The following ATRN variants were observed in gnomAD, a reference collection of about 807,000 sequenced individuals.
ATRN encodes the protein attractin, also known as attractin-2.
A neutral mutation model predicts 178.7 loss-of-function variants in ATRN; 54 were observed. The observed-to-expected ratio is 0.30, with a 90% CI of 0.24 to 0.38. ATRN has a LOEUF of 0.38. ATRN is among the 10% of genes least tolerant of loss of function. The pLI is 1.00. For missense variants in ATRN, 1,443 were observed against 1,815.1 expected (o/e 0.79, Z 3.73); for synonymous variants, 636 against 663.0 (o/e 0.96, Z 0.63).
At chr20:3,513,028 G>A (rs1348152326) in intron 1 of ATRN, among the ~76,000 whole-genome samples, 1 of 152,088 alleles carries the variant, frequency 6.6e-6, no homozygotes, top group Non-Finnish European at 1.5e-5. Flanking sequence ...AGATGAGTAG[G>A]TTGCAAAAAT....
chr20:3,587,509 T>G (rs1469644095), intron 18 of ATRN, among the ~76,000 whole-genome samples: 2 of 151,942 alleles, frequency 1.3e-5, no homozygotes, highest in African/African-American at 4.8e-5. Flanking sequence ...TGAATTTTCA[T>G]GGCACATTTG....
chr20:3,502,158 T>G (rs989498057), intron 1 of ATRN, among the ~76,000 whole-genome samples: 2 of 152,190 alleles, frequency 1.3e-5, no homozygotes, highest in African/African-American at 4.8e-5. Flanking sequence ...ATTTACATAG[T>G]TATACAACTT....
rs1451695118 is a variant in ATRN, at chr20:3,485,695, C to T, written c.410+14178C>T. 3.0e-5 allele frequency among the ~76,000 whole-genome samples: 4 copies of T among 132,264 alleles called. No individual in the cohort carries two copies. In the South Asian group the frequency reaches 1.1e-3, roughly 35 times the overall value. The allele number at this position is 132,264 out of a possible 152,430, so 86.8% of individuals were successfully genotyped here. On this transcript the variant is annotated intron_variant, in intron 1 of 28. Transcript: ENST00000262919. Reference sequence around the variant, plus strand: ...GGAGTGCAATGGTGCGATCTTGGCTCACTGCAACCTCTGCCTCCTGGGTTC... The same window carrying T: ...GGAGTGCAATGGTGCGATCTTGGCTTACTGCAACCTCTGCCTCCTGGGTTC...
At chr20:3,596,582 A>G (rs1317006900) in intron 21 of ATRN, among the ~76,000 whole-genome samples, 153 bp downstream of exon 21, 2 of 152,224 alleles carry the variant, frequency 1.3e-5, no homozygotes, top group African/African-American at 4.8e-5. Flanking sequence ...TGTTAAGTTT[A>G]CTACATATAG....
intron 25 of ATRN, among the ~76,000 whole-genome samples, chr20:3,627,004 C>G (rs182925041): frequency 4.9e-4 from 75 of 152,188 alleles, no homozygotes; most frequent in African/African-American, 1.7e-3. Flanking sequence ...CCAGGCTGGT[C>G]TCGAACTCCT....
At chr20:3,503,658 A>G (rs2084994426) in intron 1 of ATRN, among the ~76,000 whole-genome samples, 1 of 152,210 alleles carries the variant, frequency 6.6e-6, no homozygotes, top group African/African-American at 2.4e-5. Context: ...TGAGGAAGGA[A>G]CTATAGAATT....
intron 16 of ATRN, among the ~76,000 whole-genome samples, chr20:3,582,881 C>T (rs754575405): frequency 1.3e-5 from 2 of 152,120 alleles, no homozygotes; most frequent in Non-Finnish European, 2.9e-5. Context: ...GACAGACACT[C>T]GGAGTAGCTT....
At chr20:3,573,070 A>T in intron 12 of ATRN, 119 bp downstream of exon 12, 4 of 900,476 alleles carry the variant, frequency 4.4e-6, no homozygotes, top group Non-Finnish European at 6.7e-6. Flanking sequence ...ATTATTCAGT[A>T]ATAACTTGTA....
At chr20:3,596,351 A>G (rs377161712) in intron 20 of ATRN, 26 bp from the exon 21 acceptor site, 1 of 1,602,896 alleles carries the variant, frequency 6.2e-7, no homozygotes. Flanking sequence ...AAATAGCAGT[A>G]TAAAATAGTC....
chr20:3,492,231 T>C (rs1173839645), intron 1 of ATRN, among the ~76,000 whole-genome samples: 1 of 144,974 alleles, frequency 6.9e-6, no homozygotes, highest in African/African-American at 2.6e-5. Context: ...GGGAGGGGAA[T>C]ATGGTAGGAG....
In ATRN at chr20:3,630,756, G is replaced by A. The variant is rs183446040; in HGVS notation, c.3864-3555G>A. Among the ~76,000 whole-genome samples, 215 of 152,188 alleles carry A rather than the reference G, an allele frequency of 1.4e-3. 1 individual carries two copies. Among genetic ancestry groups the A allele is most frequent in the African/African-American group, 5.0e-3 (209 of 41,504 alleles). On this transcript the variant is annotated intron_variant, in intron 25 of 28. Transcript: ENST00000262919. ...TTTTCATCACTTCTCCCTTGTGGGG[G>A]TTGAACTTCTGGAAAAGAATCCGGA... is the stretch of plus-strand genomic sequence containing the variant.
chr20:3,534,062 G>A (rs907918127), intron 1 of ATRN, among the ~76,000 whole-genome samples: 2 of 152,194 alleles, frequency 1.3e-5, no homozygotes, highest in Admixed American at 6.5e-5. Flanking sequence ...GGATTTTGGG[G>A]AGTAGGGCAT....
rs559547899 is a variant in ATRN at position 3,602,477 on chromosome 20, A to T, written c.3643+1453A>T. On this transcript the variant is annotated intron_variant, in intron 23 of 28. Coordinates refer to ENST00000262919, the MANE Select transcript of ATRN (RefSeq NM_139321.3). ...TTACTATTACAATACTGGGTTTTTT[A>T]AAATCAAAAACACAAAGCAATGAGA... 5.3e-5 allele frequency among the ~76,000 whole-genome samples: 8 copies of T among 152,230 alleles called. 1 individual carries two copies. The highest frequency in any genetic ancestry group is 1.4e-4 in the African/African-American group (6 of 41,458).
chr20:3,591,419 C>A lies in ATRN; in HGVS notation c.3322+113C>A, dbSNP rs957316098. On this transcript the variant is annotated intron_variant, in intron 19 of 28. Transcript: ENST00000262919. ...CCACTTTGTTTTGGATACCACATTTCTTATTAAATCATACTGGTCAGAAGC... is the reference window on the plus strand; with the variant it reads ...CCACTTTGTTTTGGATACCACATTTATTATTAAATCATACTGGTCAGAAGC... 4 of 1,281,362 alleles carry A rather than the reference C, an allele frequency of 3.1e-6. No individual in the cohort carries two copies. In the African/African-American group the frequency reaches 6.0e-5, roughly 19 times the overall value. The allele number at this position is 1,281,362 out of a possible 1,614,324, so 79.4% of individuals were successfully genotyped here. A position where few individuals can be genotyped will look rare whatever the true frequency, so the allele number is the denominator to read the frequency against.
At chr20:3,561,734 A>C (rs1375767016) in intron 8 of ATRN, among the ~76,000 whole-genome samples, 1 of 152,156 alleles carries the variant, frequency 6.6e-6, no homozygotes, top group Admixed American at 6.5e-5. Context: ...TTGAGTGAAC[A>C]TTTTATTTAT....
At chr20:3,474,824 G>A (rs1457863782) in intron 1 of ATRN, among the ~76,000 whole-genome samples, 1 of 151,328 alleles carries the variant, frequency 6.6e-6, no homozygotes, top group African/African-American at 2.4e-5. Flanking sequence ...AAGAGGTTAG[G>A]AGTTGAGACC....
At chr20:3,536,764 T>C (rs1215255577) in intron 2 of ATRN, among the ~76,000 whole-genome samples, 1 of 152,200 alleles carries the variant, frequency 6.6e-6, no homozygotes, top group Non-Finnish European at 1.5e-5. Flanking sequence ...TGTTGCAGTA[T>C]GTTATTGTGG....
intron 1 of ATRN, among the ~76,000 whole-genome samples, chr20:3,507,740 C>G (rs1240506310): frequency 7.1e-6 from 1 of 140,806 alleles, no homozygotes; most frequent in East Asian, 2.0e-4. Context: ...TGCTCTGTTG[C>G]CAGGCTGGAT....
chr20:3,603,409 G>A (rs1764067227), intron 23 of ATRN, among the ~76,000 whole-genome samples: 1 of 152,138 alleles, frequency 6.6e-6, no homozygotes, highest in Non-Finnish European at 1.5e-5. Flanking sequence ...GTATTTTCAT[G>A]ATCATGTGTG....
Sources: gnomAD v4.1 joint callset for allele counts (sites outside exome capture counted in the v4.1 genomes callset) on GRCh38, gnomAD v4.1.1 for gene constraint, MANE v1.5 for transcripts, NCBI Gene and HGNC (gene_info 2026-07-23, HGNC 2026-07-21) for gene names.